The following ADGRL3 variants were observed in gnomAD, a reference collection of about 807,000 sequenced individuals.
The protein encoded by ADGRL3 is calcium-independent alpha-latrotoxin receptor 3.
Under a neutral mutation model 153.5 loss-of-function variants are expected in ADGRL3, and 62 were observed. The ratio of observed to expected loss-of-function variants is 0.40; its 90% CI spans 0.33 to 0.50. ADGRL3 has a LOEUF of 0.50. Ranked by LOEUF, ADGRL3 falls within the 20% of genes least tolerant of loss-of-function variation. The probability of loss-of-function intolerance (pLI) is 0.47; values close to 1 mark genes in which losing one functional copy is unlikely to be tolerated. For missense variants in ADGRL3, 1,641 were observed against 1,859.4 expected (o/e 0.88, Z 2.16); for synonymous variants, 710 against 672.5 (o/e 1.06, Z -0.86).
intron 1 of ADGRL3, among the ~76,000 whole-genome samples, chr4:61,284,379 A>G (rs2093846331): frequency 6.6e-6 from 1 of 151,918 alleles, no homozygotes. Flanking sequence ...TATCAGCATC[A>G]GGTTATTCCA....
chr4:61,228,840 T>C (rs963404396), intron 1 of ADGRL3, among the ~76,000 whole-genome samples: 60 of 152,218 alleles, frequency 3.9e-4, no homozygotes, highest in Admixed American at 2.0e-3. Context: ...TACAGGAACC[T>C]GCCACCATAC....
chr4:61,914,978 C>G (rs1339820564), intron 13 of ADGRL3, among the ~76,000 whole-genome samples: 2 of 151,824 alleles, frequency 1.3e-5, no homozygotes, highest in African/African-American at 4.8e-5. Flanking sequence ...ACTTAAAAAC[C>G]AGAGTGAAAA....
At chr4:62,037,672 C>G (rs924788151) in intron 23 of ADGRL3, 59 bp from the exon 24 acceptor site, 40 of 1,587,730 alleles carry the variant, frequency 2.5e-5, no homozygotes, top group Non-Finnish European at 3.4e-5. Context: ...ACATTGTCTA[C>G]TTTTGTTCCT....
Position 61,996,507 on chromosome 4 carries a change from T to C in ADGRL3, c.3303+150T>C, listed in dbSNP as rs1273457209. The C allele has an allele frequency of 5.0e-6, 3 of 599,926 alleles. No homozygotes were observed. In the African/African-American group the frequency reaches 5.6e-5, roughly 11 times the overall value. 37.2% of individuals were successfully genotyped at this position (599,926 alleles called of 1,614,324 possible). ...ATAATTCAAGCAATTAAACACTCAT[T>C]ATAGTCTACTTTTATGTTGTAAAAT... On this transcript the variant is annotated intron_variant, in intron 20 of 26. Transcript: ENST00000683033.
chr4:61,647,266 CCAGAGCTTTTCCTATTCGGCCATCT>C (rs760387725), intron 5 of ADGRL3, among the ~76,000 whole-genome samples: 17 of 152,118 alleles, frequency 1.1e-4, no homozygotes, highest in Non-Finnish European at 2.4e-4. Context: ...GAGCTGTAGA[CCAGAGCTTTTCCTATTCGGCCATCT>C]TGGCTCCTCC....
chr4:61,549,766 C>T (rs909416748), intron 4 of ADGRL3, among the ~76,000 whole-genome samples: 4 of 151,862 alleles, frequency 2.6e-5, no homozygotes, highest in Non-Finnish European at 5.9e-5. Flanking sequence ...ATTTATTAAG[C>T]ACTAGAATAT....
chr4:61,434,156 C>CA (rs1464235160), intron 2 of ADGRL3, among the ~76,000 whole-genome samples: 11 of 152,158 alleles, frequency 7.2e-5, no homozygotes, highest in African/African-American at 2.6e-4. Context: ...ATGTCTGGCT[C>CA]ACATTAGATA....
chr4:61,279,763 G>A (rs181338176), intron 1 of ADGRL3, among the ~76,000 whole-genome samples: 4 of 151,926 alleles, frequency 2.6e-5, no homozygotes, highest in African/African-American at 7.2e-5. Context: ...CTCATCCACC[G>A]CCATGCCCCA....
At chr4:61,859,433 A>G (rs1463893774) in intron 9 of ADGRL3, among the ~76,000 whole-genome samples, 2 of 152,208 alleles carry the variant, frequency 1.3e-5, no homozygotes, top group Non-Finnish European at 2.9e-5. Flanking sequence ...TCCAGTCATG[A>G]TGATGTTAAA....
chr4:61,308,260 CAA>C (rs1437913277), intron 1 of ADGRL3, among the ~76,000 whole-genome samples: 1 of 152,102 alleles, frequency 6.6e-6, no homozygotes, highest in Non-Finnish European at 1.5e-5. Context: ...TTGAGAGAAG[CAA>C]ACACCAGGAG....
At chr4:61,960,779 C>T (rs1374809653) in intron 17 of ADGRL3, among the ~76,000 whole-genome samples, 1 of 152,072 alleles carries the variant, frequency 6.6e-6, no homozygotes. Flanking sequence ...GGCACAATCT[C>T]GGCTCACTGC....
intron 17 of ADGRL3, among the ~76,000 whole-genome samples, chr4:61,978,343 A>G (rs1288256647): frequency 6.6e-6 from 1 of 152,154 alleles, no homozygotes; most frequent in African/African-American, 2.4e-5. Context: ...CTTTTTAAAA[A>G]AAAAATATTA....
intron 4 of ADGRL3, among the ~76,000 whole-genome samples, chr4:61,542,902 T>C (rs1565902): frequency 0.53 from 80,182 of 151,968 alleles, 21,398 homozygotes; most frequent in South Asian, 0.55. Context: ...CCATATACAA[T>C]GTTTATTTCC....
At position 61,593,330 on chromosome 4, in the gene ADGRL3, C is replaced by T. The variant is rs181701121; in HGVS notation, c.473+5890C>T. On this transcript the variant is annotated intron_variant, in intron 5 of 26. Coordinates refer to ENST00000683033, the MANE Select transcript of ADGRL3 (RefSeq NM_001387552.1). Reference sequence around the variant, plus strand: ...ATACTAATCTGTGTTTTTCTTTGGCCTACTGTTACCAGGGAGGTTTTTTTT... The same window carrying T: ...ATACTAATCTGTGTTTTTCTTTGGCTTACTGTTACCAGGGAGGTTTTTTTT... 2.5e-3 allele frequency among the ~76,000 whole-genome samples: 382 copies of T among 152,116 alleles called. 4 individuals carry two copies. Among genetic ancestry groups the T allele is most frequent in the Non-Finnish European group, 2.8e-3 (191 of 67,978 alleles).
At chr4:61,204,162 A>C (rs897475382) in intron 1 of ADGRL3, among the ~76,000 whole-genome samples, 2 of 152,112 alleles carry the variant, frequency 1.3e-5, no homozygotes, top group Non-Finnish European at 2.9e-5. Flanking sequence ...TAATTTCTGG[A>C]TATCTTCATT....
chr4:61,648,548 GT>G (rs1038117084), intron 5 of ADGRL3, among the ~76,000 whole-genome samples: 4 of 150,328 alleles, frequency 2.7e-5, no homozygotes, highest in East Asian at 2.0e-4. Context: ...TTCTTTTGGG[GT>G]TTTTTTTAGA....
chr4:61,349,824 G>A (rs1305907881), intron 1 of ADGRL3, among the ~76,000 whole-genome samples: 1 of 151,864 alleles, frequency 6.6e-6, no homozygotes, highest in East Asian at 1.9e-4. Flanking sequence ...ATTGTACCTC[G>A]CCCATAGAAA....
At chr4:61,231,395 A>C (rs1290430908) in intron 1 of ADGRL3, among the ~76,000 whole-genome samples, 2 of 152,112 alleles carry the variant, frequency 1.3e-5, no homozygotes, top group East Asian at 3.9e-4. Context: ...CCAACAGCTG[A>C]CTAGTGATTC....
chr4:61,695,060 T>C (rs761376677), intron 6 of ADGRL3, among the ~76,000 whole-genome samples: 1 of 152,160 alleles, frequency 6.6e-6, no homozygotes, highest in Non-Finnish European at 1.5e-5. Flanking sequence ...TTTCCCCCAC[T>C]GAAATCTTGA....
Sources: allele counts gnomAD v4.1 joint callset (sites outside exome capture counted in the v4.1 genomes callset), GRCh38; gene constraint gnomAD v4.1.1; transcripts MANE v1.5; gene names NCBI Gene and HGNC (gene_info 2026-07-23, HGNC 2026-07-21).